The following OPN3 variants were observed in gnomAD, a reference collection of about 807,000 sequenced individuals.
OPN3 encodes opsin-3.
OPN3 carries 29 observed loss-of-function variants against 33.8 expected under a neutral mutation model. The ratio of observed to expected loss-of-function variants is 0.86; its 90% CI spans 0.64 to 1.17. The LOEUF is 1.17. Ranked by LOEUF, OPN3 falls within the 50% of genes most tolerant of loss-of-function variation. The probability of loss-of-function intolerance (pLI) is 0.00; values close to 1 mark genes in which losing one functional copy is unlikely to be tolerated. For missense variants in OPN3, 437 were observed against 514.1 expected (o/e 0.85, Z 1.45); for synonymous variants, 216 against 216.1 (o/e 1.00, Z 0.00).
intron 1 of OPN3, among the ~76,000 whole-genome samples, chr1:241,618,427 G>C (rs1473117425): frequency 6.6e-6 from 1 of 152,200 alleles, no homozygotes; most frequent in Non-Finnish European, 1.5e-5. Context: ...CTGACTTTCA[G>C]AACGATGGGT....
Position 241,604,401 on chromosome 1 carries a change from GTGTACGTCCAGGA to G in OPN3, c.539_551del (p.Ile180ThrfsTer3), listed in dbSNP as rs1218155141. On this transcript the variant is annotated frameshift_variant, in exon 2 of 4. Transcript: ENST00000366554. LOFTEE classifies it high-confidence loss of function. ...TCCAGTCCACAGTGCAGCCTAGTCC[GTGTACGTCCAGGA>G]TGTACCTGTTCCATCCCAGGAGAGG... 1.2e-6 allele frequency: 2 copies of G among 1,614,154 alleles called. No homozygotes were observed. Among genetic ancestry groups the G allele is most frequent in the Non-Finnish European group, 1.7e-6 (2 of 1,180,028 alleles).
rs1039843298 is a variant in OPN3, at chr1:241,608,558, C to T, written c.374-3979G>A. Among the ~76,000 whole-genome samples, 8 of 152,138 alleles carry T rather than the reference C, an allele frequency of 5.3e-5. No individual in the cohort carries two copies. The South Asian group carries it at 6.2e-4, about 12-fold the overall frequency. Reference sequence around the variant, plus strand: ...ATGGTGGGAAGGACACAGAAAGGGACGCAGCTGCTATTGGCAGGCTGTCAG... The same window carrying T: ...ATGGTGGGAAGGACACAGAAAGGGATGCAGCTGCTATTGGCAGGCTGTCAG... On this transcript the variant is annotated intron_variant, in intron 1 of 3. Coordinates refer to ENST00000366554, the MANE Select transcript of OPN3 (RefSeq NM_014322.3).
At chr1:241,635,102 A>C in intron 1 of OPN3, 1 of 1,612,824 alleles carries the variant, frequency 6.2e-7, no homozygotes, top group Non-Finnish European at 8.5e-7. Flanking sequence ...TTCTTTAACT[A>C]TTTGAGAGTA....
chr1:241,593,634 G>A lies in OPN3; in HGVS notation c.*794C>T, dbSNP rs558550575. On this transcript the variant is annotated 3_prime_UTR_variant, in exon 4 of 4. Coordinates refer to ENST00000366554, the MANE Select transcript of OPN3 (RefSeq NM_014322.3). ...GAGAAAAACAAACATAAATTTATTA[G>A]CGGGTATATGTAATATATATGTGGG... 2.4e-4 allele frequency: 52 copies of A among 220,346 alleles called. No homozygotes were observed. Among genetic ancestry groups the A allele is most frequent in the East Asian group, 1.0e-3 (12 of 11,590 alleles). 13.6% of individuals were successfully genotyped at this position (220,346 alleles called of 1,614,324 possible). A position where few individuals can be genotyped will look rare whatever the true frequency, so the allele number is the denominator to read the frequency against.
chr1:241,601,332 C>G (rs1419003853), intron 2 of OPN3, among the ~76,000 whole-genome samples: 1 of 149,888 alleles, frequency 6.7e-6, no homozygotes, highest in Non-Finnish European at 1.5e-5. Context: ...TAGAGGAAAG[C>G]AAAAATTTTA....
intron 1 of OPN3, among the ~76,000 whole-genome samples, chr1:241,615,422 A>G (rs1664099731): frequency 6.6e-6 from 1 of 152,080 alleles, no homozygotes; most frequent in Non-Finnish European, 1.5e-5. Context: ...TGCTCAAGAA[A>G]ACTGCATCAG....
At chr1:241,610,413 C>G (rs1333336428) in intron 1 of OPN3, among the ~76,000 whole-genome samples, 1 of 152,084 alleles carries the variant, frequency 6.6e-6, no homozygotes, top group Non-Finnish European at 1.5e-5. Context: ...TAAGGGAAAG[C>G]AACATTTGAA....
chr1:241,635,110 G>GT, intron 1 of OPN3: 1 of 1,612,586 alleles, frequency 6.2e-7, no homozygotes, highest in Non-Finnish European at 8.5e-7. Context: ...CTATTTGAGA[G>GT]TAAGTAATCC....
At chr1:241,635,317 G>A (rs777296643) in intron 1 of OPN3, 48 of 1,613,752 alleles carry the variant, frequency 3.0e-5, no homozygotes, top group South Asian at 5.5e-5. Flanking sequence ...GCATTTCGTC[G>A]CTATTAAAAT....
At chr1:241,626,948 G>A (rs1480071699) in intron 1 of OPN3, among the ~76,000 whole-genome samples, 1 of 152,102 alleles carries the variant, frequency 6.6e-6, no homozygotes, top group Non-Finnish European at 1.5e-5. Context: ...TTATAATCAG[G>A]TATTCATCTT....
intron 1 of OPN3, chr1:241,629,141 C>T (rs1284124481): frequency 2.0e-5 from 3 of 152,472 alleles, no homozygotes; most frequent in Non-Finnish European, 4.4e-5. Flanking sequence ...TTAACCATTT[C>T]CAATCGTTGG....
chr1:241,593,762 C>T lies in OPN3; in HGVS notation c.*666G>A, dbSNP rs1278680615. 1 of 154,984 alleles carries T rather than the reference C, an allele frequency of 6.5e-6. No individual in the cohort carries two copies. The highest frequency in any genetic ancestry group is 1.9e-4 in the East Asian group (1 of 5,284). 9.6% of individuals were successfully genotyped at this position (154,984 alleles called of 1,614,324 possible). Reference sequence around the variant, plus strand: ...GTAAATTTTTAGAGAAACAACAAAACAAAGAAAAAGAGCTTTGAGTCTGTA... The same window carrying T: ...GTAAATTTTTAGAGAAACAACAAAATAAAGAAAAAGAGCTTTGAGTCTGTA... On this transcript the variant is annotated 3_prime_UTR_variant, in exon 4 of 4. Transcript: ENST00000366554.
intron 2 of OPN3, among the ~76,000 whole-genome samples, chr1:241,599,417 A>C (rs1663622560): frequency 6.6e-6 from 1 of 152,124 alleles, no homozygotes; most frequent in African/African-American, 2.4e-5. Flanking sequence ...CAATGTTCAG[A>C]GATAACTATT....
intron 3 of OPN3, chr1:241,595,159 T>C (rs1663463312): frequency 6.5e-6 from 1 of 153,288 alleles, no homozygotes; most frequent in Non-Finnish European, 1.5e-5. Context: ...AAGAATTTTT[T>C]TTTTCTATCG....
intron 1 of OPN3, among the ~76,000 whole-genome samples, chr1:241,623,988 C>G (rs1484347060): frequency 1.3e-5 from 2 of 152,146 alleles, no homozygotes; most frequent in Non-Finnish European, 2.9e-5. Flanking sequence ...TCCTGCCTCT[C>G]CACGCCAGGC....
At chr1:241,606,408 G>A (rs1312470741) in intron 1 of OPN3, among the ~76,000 whole-genome samples, 4 of 151,258 alleles carry the variant, frequency 2.6e-5, no homozygotes, top group East Asian at 2.3e-4. Flanking sequence ...AGCTGGGCGC[G>A]GTGGCAGAAG....
intron 1 of OPN3, among the ~76,000 whole-genome samples, chr1:241,612,080 T>C (rs139368474): frequency 6.6e-6 from 1 of 152,352 alleles, no homozygotes; most frequent in East Asian, 1.9e-4. Context: ...TGATGTTGCA[T>C]TGACTTAGAA....
rs1009086706 is a variant in OPN3, at chr1:241,594,345, G to A, written c.*83C>T. On this transcript the variant is annotated 3_prime_UTR_variant, in exon 4 of 4. Transcript: ENST00000366554. ...AGGTTCTGTTGATATTACATAGAAC[G>A]GGTATTCCAGACACTTCTTATGATG... 1.4e-6 allele frequency: 2 copies of A among 1,414,898 alleles called. No homozygotes were observed. The highest frequency in any genetic ancestry group is 1.9e-6 in the Non-Finnish European group (2 of 1,028,180). 87.6% of individuals were successfully genotyped at this position (1,414,898 alleles called of 1,614,324 possible).
chr1:241,608,570 T>C (rs1030477561), intron 1 of OPN3, among the ~76,000 whole-genome samples: 1 of 152,176 alleles, frequency 6.6e-6, no homozygotes, highest in Admixed American at 6.5e-5. Context: ...CAGCTGCTAT[T>C]GGCAGGCTGT....
Sources: gnomAD v4.1 joint callset for allele counts (sites outside exome capture counted in the v4.1 genomes callset) on GRCh38, gnomAD v4.1.1 for gene constraint, MANE v1.5 for transcripts, NCBI Gene and HGNC (gene_info 2026-07-23, HGNC 2026-07-21) for gene names.